The following C2 variants were observed in gnomAD, a reference collection of about 807,000 sequenced individuals.
C2 encodes C3/C5 convertase.
Under a neutral mutation model 85.2 loss-of-function variants are expected in C2, and 64 were observed. The ratio of observed to expected loss-of-function variants is 0.75; its 90% CI spans 0.61 to 0.92. C2 has a LOEUF of 0.92. Ranked by LOEUF, C2 falls within the 40% of genes least tolerant of loss-of-function variation. The probability of loss-of-function intolerance (pLI) is 0.00; values close to 1 mark genes in which losing one functional copy is unlikely to be tolerated. For missense variants in C2, 820 were observed against 971.6 expected (o/e 0.84, Z 2.07); for synonymous variants, 311 against 370.8 (o/e 0.84, Z 1.85).
Position 31,921,542 on chromosome 6 carries a change from A to T in C2, c.-100+1516A>T, listed in dbSNP as rs1232289102. The stretch of plus-strand genomic sequence containing the variant: ...GCTCCCAGCAGTCACTAAAGAGAAG[A>T]CGTGAGGAAGAGGCACTACCACTTG... On this transcript the variant is annotated intron_variant, in intron 1 of 3. Transcript: ENST00000413154. The surrounding 1 kb of genome is among the most constrained non-coding windows in gnomAD (Gnocchi z 4.6). Among the ~76,000 whole-genome samples the T allele has an allele frequency of 1.3e-5, 2 of 152,004 alleles. No homozygotes were observed. Among genetic ancestry groups the T allele is most frequent in the Non-Finnish European group, 2.9e-5 (2 of 67,988 alleles).
chr6:31,944,895 C>G lies in C2; in HGVS notation c.2029+42C>G. The G allele has an allele frequency of 6.2e-7, 1 of 1,613,070 alleles. No homozygotes were observed. The highest frequency in any genetic ancestry group is 8.5e-7 in the Non-Finnish European group (1 of 1,179,996). ...GCCTGGATTCCCAAGGGGAAGGCCA[C>G]CTGTGTCTCTGTGGCCAGCATGCAT... On this transcript the variant is annotated intron_variant, in intron 16 of 17. Coordinates refer to ENST00000299367, the MANE Select transcript of C2 (RefSeq NM_000063.6). The surrounding 1 kb of genome is among the most constrained non-coding windows in gnomAD (Gnocchi z 5.1).
In C2 at chr6:31,943,806, C is replaced by T. The variant is rs1317733333; in HGVS notation, c.1730C>T (p.Ala577Val). The T allele has an allele frequency of 6.8e-6, 11 of 1,612,878 alleles. No individual in the cohort carries two copies. The highest frequency in any genetic ancestry group is 7.6e-6 in the Non-Finnish European group (9 of 1,179,978). The stretch of plus-strand genomic sequence containing the variant: ...CAGAAAGTAAAGATGTCCACCCATG[C>T]CAGGTGCCTGGAGTCTGGGATGGGA... ...LAQKVKMSTHARPICLPCTME... is the reference protein window; with the variant it reads ...LAQKVKMSTHVRPICLPCTME... The change falls in exon 13 of 18, where the codon GCC (alanine) becomes GTC (valine). Residue 577 changes from alanine (A) to valine (V), a missense_variant. By Grantham distance (64) the Ala-to-Val change is moderately conservative (BLOSUM62 0). Coordinates refer to ENST00000299367, the MANE Select transcript of C2 (RefSeq NM_000063.6). The surrounding 1 kb of genome is among the most constrained non-coding windows in gnomAD (Gnocchi z 6.4).
In C2 at chr6:31,945,130, C is replaced by A. The variant is rs1338311946; in HGVS notation, c.2080-48C>A. The A allele has an allele frequency of 3.7e-6, 6 of 1,610,544 alleles. No individual in the cohort carries two copies. Among genetic ancestry groups the A allele is most frequent in the Non-Finnish European group, 5.1e-6 (6 of 1,177,912 alleles). On this transcript the variant is annotated intron_variant, in intron 17 of 17. Transcript: ENST00000299367. This position sits in a 1 kb window ranked among gnomAD's most constrained non-coding sequence, Gnocchi z 5.3. ...AGGGATCTAGGGAGGTTGGGGCTTA[C>A]AGTTGGGGCTGTGGCAGCCTCCCAG...
chr6:31,901,060 G>C (rs377556449), exon 1 of C2: 1 of 1,614,154 alleles, frequency 6.2e-7, no homozygotes, highest in Non-Finnish European at 8.5e-7. Flanking sequence ...GGAGCAAGTC[G>C]GCCACGATGC....
chr6:31,902,003 G>C (rs893540384), intron 1 of C2: 1 of 149,532 alleles, frequency 6.7e-6, no homozygotes, highest in Non-Finnish European at 1.5e-5. Context: ...TAAGGGGGGA[G>C]GGGCGGGGGC....
chr6:31,918,576 C>G (rs912455756), upstream of C2, among the ~76,000 whole-genome samples: 19 of 150,954 alleles, frequency 1.3e-4, no homozygotes, highest in African/African-American at 4.6e-4. Flanking sequence ...GCCTGGGTGA[C>G]AGTGAGACCC....
intron 7 of C2, 119 bp from the exon 8 acceptor site, chr6:31,937,200 C>G (rs1770486666): frequency 1.0e-6 from 1 of 998,724 alleles, no homozygotes; most frequent in Non-Finnish European, 1.5e-6. Context: ...CAGAGCGAGA[C>G]TCTCTCAAAA....
At chr6:31,911,228 G>GCCC (rs1768075848) in intron 1 of C2, among the ~76,000 whole-genome samples, 1 of 152,044 alleles carries the variant, frequency 6.6e-6, no homozygotes, top group Non-Finnish European at 1.5e-5. Flanking sequence ...GAACCTGGGA[G>GCCC]GCGGAGGTTG....
Position 31,935,841 on chromosome 6 carries a change from T to A in C2, c.850-82T>A. 4 of 1,500,128 alleles carry A rather than the reference T, an allele frequency of 2.7e-6. No homozygotes were observed. Among genetic ancestry groups the A allele is most frequent in the Non-Finnish European group, 2.8e-6 (3 of 1,084,690 alleles). 92.9% of individuals were successfully genotyped at this position (1,500,128 alleles called of 1,614,324 possible). A position where few individuals can be genotyped will look rare whatever the true frequency, so the allele number is the denominator to read the frequency against. Reference sequence around the variant, plus strand: ...GTCTCACTCCAGTTTCTCTGCCTCCTCCAGGGCCCTTTGTTTGCTCTCTTA... The same window carrying A: ...GTCTCACTCCAGTTTCTCTGCCTCCACCAGGGCCCTTTGTTTGCTCTCTTA... On this transcript the variant is annotated intron_variant, in intron 6 of 17. Coordinates refer to ENST00000299367, the MANE Select transcript of C2 (RefSeq NM_000063.6). This position sits in a 1 kb window ranked among gnomAD's most constrained non-coding sequence, Gnocchi z 4.3.
intron 1 of C2, among the ~76,000 whole-genome samples, chr6:31,911,419 TC>T: frequency 6.6e-6 from 1 of 152,202 alleles, no homozygotes. Flanking sequence ...GGAATGGCAT[TC>T]TTTTGCAACT....
At chr6:31,933,478 G>A in intron 3 of C2, 132 bp from the exon 4 acceptor site, 1 of 855,516 alleles carries the variant, frequency 1.2e-6, no homozygotes, top group African/African-American at 1.7e-5. Flanking sequence ...GGGTCTCTGG[G>A]GGCTCTGGGA....
chr6:31,928,102 A>G lies in C2; in HGVS notation c.194A>G (p.Lys65Arg), dbSNP rs1769409981. The change falls in exon 2 of 18, where the codon AAG becomes AGG. Residue 65 changes from lysine (K) to arginine (R), a missense_variant. Physicochemically the swap from Lys to Arg is conservative, Grantham distance 26 (BLOSUM62 2). Transcript: ENST00000299367. ...CCATCCCCAGCATCACGGCTGTGCA[A>G]GAGCAGCGGACAGTGGCAGACCCCA... ...LYPSPASRLCKSSGQWQTPGA... is the reference protein window; with the variant it reads ...LYPSPASRLCRSSGQWQTPGA... 1 of 1,613,822 alleles carries G rather than the reference A, an allele frequency of 6.2e-7. No homozygotes were observed. Among genetic ancestry groups the G allele is most frequent in the East Asian group, 2.2e-5 (1 of 44,884 alleles).
chr6:31,933,497 G>A, intron 3 of C2, 113 bp from the exon 4 acceptor site: 1 of 1,059,008 alleles, frequency 9.4e-7, no homozygotes. Flanking sequence ...GACAGACATG[G>A]GTGCATCCCT....
Position 31,913,580 on chromosome 6 carries a change from C to T in C2, c.73+12441C>T, listed in dbSNP as rs147128331. Among the ~76,000 whole-genome samples the T allele has an allele frequency of 8.1e-4, 123 of 152,270 alleles. No individual in the cohort carries two copies. The Middle Eastern group carries it at 0.02, about 25-fold the overall frequency. ...AAGTCTGGGCAACAAAAGCGAAACT[C>T]CATCTCAAAAAAATAAAACGAAGCA... On this transcript the variant is annotated intron_variant, in intron 1 of 3. Coordinates refer to the C2 transcript ENST00000452202.
chr6:31,937,516 G>A, intron 8 of C2, 57 bp downstream of exon 8: 1 of 1,603,252 alleles, frequency 6.2e-7, no homozygotes, highest in Non-Finnish European at 8.5e-7. Context: ...CCAATATGGG[G>A]TCAGAAGCCC....
intron 8 of C2, among the ~76,000 whole-genome samples, chr6:31,938,239 G>A (rs1019461829): frequency 5.3e-5 from 8 of 151,870 alleles, no homozygotes; most frequent in Non-Finnish European, 1.2e-4. Context: ...CGAAGGGCAC[G>A]GATGCAAGGA....
chr6:31,905,910 C>T (rs1767684808), intron 1 of C2, among the ~76,000 whole-genome samples: 1 of 152,016 alleles, frequency 6.6e-6, no homozygotes, highest in South Asian at 2.1e-4. Flanking sequence ...TAAGGAGTGG[C>T]CTTGATAATC....
chr6:31,937,594 C>T, intron 8 of C2, 135 bp downstream of exon 8: 4 of 1,039,006 alleles, frequency 3.8e-6, no homozygotes, highest in Non-Finnish European at 5.9e-6. Context: ...AGAGATGGGG[C>T]CTTGCTATGT....
Position 31,943,249 on chromosome 6 carries a change from T to C in C2, c.1385T>C (p.Ile462Thr). Residue 462 changes from isoleucine to threonine, a missense_variant, in exon 11 of 18, where the codon ATC becomes ACC. Transcript: ENST00000299367. The surrounding 1 kb of genome is among the most constrained non-coding windows in gnomAD (Gnocchi z 6.4). Reference protein sequence around the residue: ...MLDVSKLTDTICGVGNMSANA... With the variant: ...MLDVSKLTDTTCGVGNMSANA... ...GATGTCTCCAAGCTCACAGACACCA[T>C]CTGCGGGGTGGGGAACATGTCAGCA... is the stretch of plus-strand genomic sequence containing the variant. 6.2e-7 allele frequency: 1 copy of C among 1,613,018 alleles called. No homozygotes were observed. The highest frequency in any genetic ancestry group is 1.6e-4 in the Middle Eastern group (1 of 6,062).
Sources: allele counts gnomAD v4.1 joint callset (sites outside exome capture counted in the v4.1 genomes callset), GRCh38; gene constraint gnomAD v4.1.1; non-coding constraint Gnocchi (gnomAD v3.1); transcripts MANE v1.5; gene names NCBI Gene and HGNC (gene_info 2026-07-23, HGNC 2026-07-21).